The following LONRF2 variants were observed in gnomAD, a reference collection of about 807,000 sequenced individuals.
LONRF2 encodes LON peptidase N-terminal domain and ring finger 2.
In LONRF2, 35 loss-of-function variants were observed where a neutral mutation model predicts 66.6. The ratio of observed to expected loss-of-function variants is 0.53; its 90% CI spans 0.40 to 0.70. The LOEUF is 0.70. Among genes scored for constraint, LONRF2 ranks in the 30% least tolerant of loss-of-function variants. LONRF2 has a pLI of 0.00. For synonymous variants in LONRF2, 417 were observed against 418.1 expected (o/e 1.00, Z 0.03); for missense variants, 902 against 1,002.1 (o/e 0.90, Z 1.35).
At position 100,321,580 on chromosome 2, in the gene LONRF2, C is replaced by A; in HGVS notation, c.514G>T (p.Ala172Ser). 1.3e-6 allele frequency: 2 copies of A among 1,530,920 alleles called. No individual in the cohort carries two copies. The highest frequency in any genetic ancestry group is 2.0e-5 in the Admixed American group (1 of 49,854). The allele number at this position is 1,530,920 out of a possible 1,614,324, so 94.8% of individuals were successfully genotyped here. A position where few individuals can be genotyped will look rare whatever the true frequency, so the allele number is the denominator to read the frequency against. Residue 172 changes from alanine (A) to serine (S), a missense_variant, in exon 1 of 12, where the codon GCG becomes TCG. Transcript: ENST00000393437. ...TTCACGCGCCGCACCTGCGGCCGCG[C>A]GGGCCCTGGCTCCACGCAGCGCTTG... Reference protein sequence around the residue: ...VCKRCVEPGPARPQVRRVNVV... With the variant: ...VCKRCVEPGPSRPQVRRVNVV...
chr2:100,316,703 T>C (rs1179847520), intron 1 of LONRF2, among the ~76,000 whole-genome samples: 1 of 152,220 alleles, frequency 6.6e-6, no homozygotes, highest in Non-Finnish European at 1.5e-5. Flanking sequence ...CACATATTAA[T>C]TAAATCTAAG....
chr2:100,287,108 T>G, intron 10 of LONRF2, 45 bp from the exon 11 acceptor site: 4 of 1,581,736 alleles, frequency 2.5e-6, no homozygotes, highest in Non-Finnish European at 3.4e-6. Flanking sequence ...TTCACAGTAA[T>G]GCACGTAACA....
intron 9 of LONRF2, among the ~76,000 whole-genome samples, chr2:100,293,334 G>T (rs112437565): frequency 1.1e-3 from 164 of 152,290 alleles, no homozygotes; most frequent in African/African-American, 3.7e-3. Context: ...TCTGTCCCTA[G>T]ATATTTATGG....
chr2:100,312,617 T>C (rs1007605279), intron 1 of LONRF2, among the ~76,000 whole-genome samples: 5 of 151,982 alleles, frequency 3.3e-5, no homozygotes, highest in Admixed American at 2.0e-4. Context: ...GAACTCCAAA[T>C]TTCATAAAAT....
At chr2:100,309,057 A>G (rs1259158866) in intron 2 of LONRF2, 50 bp downstream of exon 2, 1 of 1,251,540 alleles carries the variant, frequency 8.0e-7, no homozygotes, top group African/African-American at 1.5e-5. Context: ...TTTTAAGAAA[A>G]TCATATAAAC....
chr2:100,297,765 C>A (rs928615837), intron 7 of LONRF2, among the ~76,000 whole-genome samples: 27 of 152,090 alleles, frequency 1.8e-4, no homozygotes, highest in Admixed American at 1.7e-3. Context: ...TTGATGTTCA[C>A]GAGAACTCTG....
Position 100,275,393 on chromosome 2 carries a change from T to C in LONRF2, c.*8905A>G, listed in dbSNP as rs1472307336. The C allele has an allele frequency of 1.1e-4, 16 of 152,288 alleles. No homozygotes were observed. The highest frequency in any genetic ancestry group is 1.0e-3 in the Admixed American group (16 of 15,284). 9.4% of individuals were successfully genotyped at this position (152,288 alleles called of 1,614,324 possible). A position where few individuals can be genotyped will look rare whatever the true frequency, so the allele number is the denominator to read the frequency against. ...ACCGAGCCAGCAACGCTGAAGTCAG[T>C]GGTGGGCTGCTCACCTGAGGGGCCC... is the stretch of plus-strand genomic sequence containing the variant. On this transcript the variant is annotated 3_prime_UTR_variant, in exon 12 of 12. Coordinates refer to ENST00000393437, the MANE Select transcript of LONRF2 (RefSeq NM_198461.4).
chr2:100,282,227 T>C lies in LONRF2; in HGVS notation c.*2071A>G, dbSNP rs887963092. The C allele has an allele frequency of 2.6e-5, 4 of 152,238 alleles. No individual in the cohort carries two copies. Among genetic ancestry groups the C allele is most frequent in the African/African-American group, 7.2e-5 (3 of 41,464 alleles). 9.4% of individuals were successfully genotyped at this position (152,238 alleles called of 1,614,324 possible). A position where few individuals can be genotyped will look rare whatever the true frequency, so the allele number is the denominator to read the frequency against. On this transcript the variant is annotated 3_prime_UTR_variant, in exon 12 of 12. Transcript: ENST00000393437. ...TGAAGAAATAACTGAATAGTTCTGA[T>C]TCCAAGAACTGTGTGACCTTATGAC... is the stretch of plus-strand genomic sequence containing the variant.
chr2:100,284,245 C>A lies in LONRF2; in HGVS notation c.*53G>T. ...ATGAATGGACGGCTATTCGTCCATG[C>A]CTGACATTTATAAAAGCACAAGGGC... is the stretch of plus-strand genomic sequence containing the variant. On this transcript the variant is annotated 3_prime_UTR_variant, in exon 12 of 12. Transcript: ENST00000393437. 1 of 1,433,194 alleles carries A rather than the reference C, an allele frequency of 7.0e-7. No homozygotes were observed. Among genetic ancestry groups the A allele is most frequent in the Middle Eastern group, 1.8e-4 (1 of 5,528 alleles). The allele number at this position is 1,433,194 out of a possible 1,614,324, so 88.8% of individuals were successfully genotyped here. A position where few individuals can be genotyped will look rare whatever the true frequency, so the allele number is the denominator to read the frequency against.
At chr2:100,305,130 C>T (rs72821169) in intron 2 of LONRF2, among the ~76,000 whole-genome samples, 6,795 of 152,130 alleles carry the variant, frequency 0.045, 215 homozygotes, top group Non-Finnish European at 0.069. Flanking sequence ...AGTGTTTGTC[C>T]CAGTACTGTT....
At chr2:100,315,007 T>C (rs1279719526) in intron 1 of LONRF2, among the ~76,000 whole-genome samples, 3 of 152,244 alleles carry the variant, frequency 2.0e-5, no homozygotes, top group South Asian at 4.1e-4. Flanking sequence ...TCTCTGAGAT[T>C]GCACTGAATT....
chr2:100,296,196 G>A (rs1675063310), intron 7 of LONRF2, among the ~76,000 whole-genome samples: 1 of 152,164 alleles, frequency 6.6e-6, no homozygotes. Context: ...CTCTGCGTGT[G>A]TGTGTGTGCG....
At chr2:100,290,082 G>A (rs1446630098) in intron 10 of LONRF2, among the ~76,000 whole-genome samples, 176 bp downstream of exon 10, 2 of 151,942 alleles carry the variant, frequency 1.3e-5, no homozygotes, top group Non-Finnish European at 2.9e-5. Context: ...ACTCTAGCCT[G>A]CACGACAGAA....
At chr2:100,303,081 C>T (rs1675220644) in intron 2 of LONRF2, 38 bp from the exon 3 acceptor site, 6 of 1,533,052 alleles carry the variant, frequency 3.9e-6, no homozygotes, top group Non-Finnish European at 5.3e-6. Context: ...TTTTTAAAAC[C>T]CAGCATGATT....
At chr2:100,306,923 CTCTT>C (rs1675304609) in intron 2 of LONRF2, among the ~76,000 whole-genome samples, 1 of 118,908 alleles carries the variant, frequency 8.4e-6, no homozygotes, top group African/African-American at 3.8e-5. Context: ...TGGAGTCTCG[CTCTT>C]TTTTTTTTTT....
At chr2:100,311,611 A>G (rs1220567613) in intron 1 of LONRF2, among the ~76,000 whole-genome samples, 1 of 152,168 alleles carries the variant, frequency 6.6e-6, no homozygotes, top group Non-Finnish European at 1.5e-5. Context: ...AATAATAGTG[A>G]CAGCATTTTC....
At chr2:100,294,079 A>C in intron 9 of LONRF2, 150 bp downstream of exon 9, 1 of 778,414 alleles carries the variant, frequency 1.3e-6, no homozygotes, top group Non-Finnish European at 2.1e-6. Flanking sequence ...AAGGGATGGG[A>C]CTGCATTGTG....
chr2:100,298,712 CT>C, intron 7 of LONRF2, 123 bp downstream of exon 7: 1 of 682,372 alleles, frequency 1.5e-6, no homozygotes, highest in Non-Finnish European at 2.6e-6. Context: ...AAAGACCTAT[CT>C]TTGATTGGAG....
chr2:100,290,842 TC>T (rs994030019), intron 9 of LONRF2, among the ~76,000 whole-genome samples: 52 of 152,334 alleles, frequency 3.4e-4, no homozygotes, highest in African/African-American at 1.2e-3. Flanking sequence ...ATTGTAACTA[TC>T]ACCCTTATCC....
Sources: gnomAD v4.1 joint callset for allele counts (sites outside exome capture counted in the v4.1 genomes callset) on GRCh38, gnomAD v4.1.1 for gene constraint, MANE v1.5 for transcripts, NCBI Gene and HGNC (gene_info 2026-07-23, HGNC 2026-07-21) for gene names.